The following PNPLA7 variants were observed in gnomAD, a reference collection of about 807,000 sequenced individuals.
PNPLA7 encodes the protein patatin like domain 7, lysophospholipase.
Under a neutral mutation model 161.7 loss-of-function variants are expected in PNPLA7, and 153 were observed. That is an observed-to-expected ratio of 0.95 (90% CI 0.83 to 1.08). The LOEUF (loss-of-function observed/expected upper bound fraction) is 1.08, where lower values mean the gene tolerates loss of function less well. PNPLA7 is among the 50% of genes least tolerant of loss of function. The pLI, the probability that PNPLA7 is intolerant of heterozygous loss-of-function variation, is 0.00. For synonymous variants in PNPLA7, 809 were observed against 782.1 expected (o/e 1.03, Z -0.57); for missense variants, 1,739 against 1,856.6 (o/e 0.94, Z 1.16).
intron 8 of PNPLA7, among the ~76,000 whole-genome samples, chr9:137,534,204 G>A (rs1028440846): frequency 1.3e-5 from 2 of 148,450 alleles, no homozygotes; most frequent in Non-Finnish European, 3.0e-5. Flanking sequence ...GTCCACTCCA[G>A]ATGGGAGCAC....
chr9:137,496,406 C>G (rs1235163571), intron 18 of PNPLA7, among the ~76,000 whole-genome samples: 2 of 152,150 alleles, frequency 1.3e-5, no homozygotes, highest in African/African-American at 2.4e-5. Context: ...CACACCTGGC[C>G]ACACTGGTTT....
intron 14 of PNPLA7, among the ~76,000 whole-genome samples, chr9:137,504,095 G>A (rs891191466): frequency 0.021 from 2,955 of 141,846 alleles, 109 homozygotes; most frequent in African/African-American, 0.075. Context: ...GGAAGAAGAA[G>A]GAAGAAGAAG....
intron 9 of PNPLA7, among the ~76,000 whole-genome samples, chr9:137,521,944 G>C (rs1835015296): frequency 6.6e-6 from 1 of 152,204 alleles, no homozygotes; most frequent in African/African-American, 2.4e-5. Flanking sequence ...CATTGTTTTT[G>C]CAAGTTTTCT....
chr9:137,501,030 G>C (rs1247722781), intron 15 of PNPLA7, 134 bp from the exon 16 acceptor site: 6 of 689,196 alleles, frequency 8.7e-6, no homozygotes, highest in Non-Finnish European at 2.4e-6. Flanking sequence ...TCTGGGCATG[G>C]ACTTCACTGG....
chr9:137,519,557 C>T (rs143291839), intron 11 of PNPLA7, among the ~76,000 whole-genome samples: 19 of 152,164 alleles, frequency 1.2e-4, no homozygotes, highest in Non-Finnish European at 2.5e-4. Flanking sequence ...AGGAGATGGG[C>T]ACACCTGATG....
At chr9:137,529,287 G>A (rs1013923943) in intron 8 of PNPLA7, among the ~76,000 whole-genome samples, 5 of 152,178 alleles carry the variant, frequency 3.3e-5, no homozygotes, top group Non-Finnish European at 5.9e-5. Context: ...GAGTCACTTC[G>A]CCCAGGCCAA....
In PNPLA7 at chr9:137,499,447, C is replaced by A. The variant is rs1833257992; in HGVS notation, c.1758-1202G>T. On this transcript the variant is annotated intron_variant, in intron 16 of 34. Coordinates refer to ENST00000406427, the MANE Select transcript of PNPLA7 (RefSeq NM_001098537.3). The surrounding 1 kb of genome is among the most constrained non-coding windows in gnomAD (Gnocchi z 5.5). ...GGGTGGTTCCTGTCCCTGCTCTTCGCCATCCGTCCTGATCTCCCTGGCACT... is the reference window on the plus strand; with the variant it reads ...GGGTGGTTCCTGTCCCTGCTCTTCGACATCCGTCCTGATCTCCCTGGCACT... Among the ~76,000 whole-genome samples the A allele has an allele frequency of 6.6e-6, 1 of 152,234 alleles. No homozygotes were observed. The highest frequency in any genetic ancestry group is 1.5e-5 in the Non-Finnish European group (1 of 68,040).
chr9:137,497,045 C>T (rs187067796), intron 18 of PNPLA7, 142 bp downstream of exon 18: 130 of 1,139,306 alleles, frequency 1.1e-4, no homozygotes, highest in African/African-American at 1.3e-4. Flanking sequence ...CACAGCAAAG[C>T]GGCTGCGGGG....
chr9:137,514,198 G>T (rs1448285855), intron 12 of PNPLA7, among the ~76,000 whole-genome samples: 2 of 149,006 alleles, frequency 1.3e-5, no homozygotes, highest in African/African-American at 5.0e-5. Flanking sequence ...CTGTGGCTGG[G>T]CTGCAGGCGG....
At chr9:137,533,106 C>T (rs534976337) in intron 8 of PNPLA7, among the ~76,000 whole-genome samples, 21 of 151,234 alleles carry the variant, frequency 1.4e-4, no homozygotes, top group African/African-American at 2.4e-4. Flanking sequence ...CCACTCCAGA[C>T]GGGAGCACCC....
chr9:137,480,512 C>A (rs763042028), intron 22 of PNPLA7, 32 bp from the exon 23 acceptor site: 13 of 1,579,312 alleles, frequency 8.2e-6, no homozygotes, highest in East Asian at 2.3e-5. Context: ...CCTCACTACT[C>A]CGCAGGGGCC....
intron 9 of PNPLA7, among the ~76,000 whole-genome samples, chr9:137,522,193 G>A (rs1169419743): frequency 2.0e-5 from 3 of 152,198 alleles, no homozygotes; most frequent in Non-Finnish European, 2.9e-5. Flanking sequence ...TCCTGCCTCA[G>A]CCTCCCGAGT....
At position 137,540,912 on chromosome 9, in the gene PNPLA7, A is replaced by T. The variant is rs1836167169; in HGVS notation, c.667-190T>A. The T allele has an allele frequency of 1.8e-6, 1 of 560,352 alleles. No individual in the cohort carries two copies. The highest frequency in any genetic ancestry group is 3.2e-6 in the Non-Finnish European group (1 of 309,370). The allele number at this position is 560,352 out of a possible 1,614,324, so 34.7% of individuals were successfully genotyped here. A position where few individuals can be genotyped will look rare whatever the true frequency, so the allele number is the denominator to read the frequency against. ...TGCTGGCATCAGGGGTACAACACACAGGAAGCGGCAGCAAGGAAAACAGAC... is the reference window on the plus strand; with the variant it reads ...TGCTGGCATCAGGGGTACAACACACTGGAAGCGGCAGCAAGGAAAACAGAC... On this transcript the variant is annotated intron_variant, in intron 7 of 34. Coordinates refer to ENST00000406427, the MANE Select transcript of PNPLA7 (RefSeq NM_001098537.3). This position sits in a 1 kb window ranked among gnomAD's most constrained non-coding sequence, Gnocchi z 5.1.
intron 32 of PNPLA7, 65 bp downstream of exon 32, chr9:137,461,866 G>A: frequency 5.5e-6 from 8 of 1,455,510 alleles, no homozygotes; most frequent in Non-Finnish European, 7.3e-6. Context: ...AACTGGGCGT[G>A]GGCGTGGCCC....
Position 137,505,540 on chromosome 9 carries a change from T to G in PNPLA7, c.1473+74A>C. ...CACTGTCCTCCACACCTGGAACCAC[T>G]GCCCAACAGAGGCAGAGAGGAGGCC... On this transcript the variant is annotated intron_variant, in intron 14 of 34. Transcript: ENST00000406427. The G allele has an allele frequency of 5.8e-6, 9 of 1,563,962 alleles. No individual in the cohort carries two copies. The South Asian group carries it at 1.0e-4, about 18-fold the overall frequency.
intron 20 of PNPLA7, among the ~76,000 whole-genome samples, chr9:137,488,561 G>T (rs973425575): frequency 6.6e-6 from 1 of 152,136 alleles, no homozygotes; most frequent in African/African-American, 2.4e-5. Context: ...CGGGGACCTC[G>T]GACTCATGGA....
Position 137,464,133 on chromosome 9 carries a change from G to A in PNPLA7, c.3219C>T (p.His1073=), listed in dbSNP as rs754301122. The A allele has an allele frequency of 6.2e-6, 10 of 1,613,480 alleles. No individual in the cohort carries two copies. The Admixed American group carries it at 1.0e-4, about 16-fold the overall frequency. The change falls in exon 28 of 35, where the codon CAC becomes CAT. Residue 1073 remains histidine, a synonymous_variant. Transcript: ENST00000406427. ...TDITASAMRV[H]TDGSLWWYVR... Reference sequence around the variant, plus strand: ...CGCAGCAGGAGTGCTCACCGTCGGTGTGGACCCGCATGGCCGAGGCTGTGA... The same window carrying A: ...CGCAGCAGGAGTGCTCACCGTCGGTATGGACCCGCATGGCCGAGGCTGTGA...
chr9:137,542,590 G>A (rs1252793711), intron 7 of PNPLA7, 52 bp downstream of exon 7: 13 of 1,465,510 alleles, frequency 8.9e-6, no homozygotes, highest in African/African-American at 4.3e-5. Flanking sequence ...GAAGACAGAC[G>A]TGGAGGTAAA....
rs777817487 is a variant in PNPLA7 at position 137,463,428 on chromosome 9, G to A, written c.3330C>T (p.Ile1110=). The A allele has an allele frequency of 1.9e-6, 3 of 1,603,340 alleles. No homozygotes were observed. The highest frequency in any genetic ancestry group is 2.6e-6 in the Non-Finnish European group (3 of 1,175,084). The change falls in exon 29 of 35, where the codon ATC becomes ATT. Residue 1110 remains isoleucine, a synonymous_variant. Coordinates refer to ENST00000406427, the MANE Select transcript of PNPLA7 (RefSeq NM_001098537.3). ...DGHLLMDGGY[I]NNLPADVARS... Reference sequence around the variant, plus strand: ...CCACCGCAGTACCTGGGAGGTTGTTGATGTAGCCCCCGTCCATCAGCAGGT... The same window carrying A: ...CCACCGCAGTACCTGGGAGGTTGTTAATGTAGCCCCCGTCCATCAGCAGGT...
Sources: gnomAD v4.1 joint callset for allele counts (sites outside exome capture counted in the v4.1 genomes callset) on GRCh38, gnomAD v4.1.1 for gene constraint, Gnocchi (gnomAD v3.1) non-coding constraint, MANE v1.5 for transcripts, NCBI Gene and HGNC (gene_info 2026-07-23, HGNC 2026-07-21) for gene names.